GRIP2: variants seen among roughly 807,000 people sequenced by gnomAD.
GRIP2 encodes the protein glutamate receptor interacting protein 2, also known as glutamate receptor-interacting protein 2.
A neutral mutation model predicts 108.3 loss-of-function variants in GRIP2; 58 were observed. The ratio of observed to expected loss-of-function variants is 0.54; its 90% confidence interval spans 0.43 to 0.67. The LOEUF (loss-of-function observed/expected upper bound fraction) is 0.67. GRIP2 is among the 30% of genes least tolerant of loss of function. The pLI is 0.00. For missense variants in GRIP2, 1,278 were observed against 1,430.6 expected (o/e 0.89, Z 1.72); for synonymous variants, 586 against 598.2 (o/e 0.98, Z 0.30).
At chr3:14,531,120 T>C (rs908730206) in intron 1 of GRIP2, 3 of 152,240 alleles carry the variant, frequency 2.0e-5, no homozygotes, top group African/African-American at 7.2e-5. Context: ...ACTCATTAAT[T>C]CTAAGTTTAG....
chr3:14,523,375 G>A (rs1257251012), intron 5 of GRIP2: 11 of 578,196 alleles, frequency 1.9e-5, no homozygotes, highest in African/African-American at 3.7e-5. Flanking sequence ...TCTCAGTCTC[G>A]GTAGCAGCTT....
the GRIP2 span, among the ~76,000 whole-genome samples, chr3:14,580,169 G>GTTTACA: frequency 2.0e-5 from 3 of 152,204 alleles, no homozygotes; most frequent in Non-Finnish European, 2.9e-5. Flanking sequence ...CAGAGCAGGT[G>GTTTACA]CTAAGCCAAC....
chr3:14,584,907 G>A, the GRIP2 span, among the ~76,000 whole-genome samples: 4 of 152,164 alleles, frequency 2.6e-5, no homozygotes, highest in African/African-American at 9.7e-5. Flanking sequence ...TGCAGAATCT[G>A]ATGCAATTGC....
the GRIP2 span, among the ~76,000 whole-genome samples, chr3:14,579,902 A>G: frequency 1.3e-5 from 2 of 152,308 alleles, no homozygotes; most frequent in Admixed American, 6.5e-5. Context: ...CTTCCATGCC[A>G]TTCCTGGACT....
intron 11 of GRIP2, 101 bp from the exon 12 acceptor site, chr3:14,514,579 CA>C (rs1694196879): frequency 1.6e-5 from 20 of 1,248,334 alleles, no homozygotes; most frequent in Non-Finnish European, 2.1e-5. Context: ...AGCCAGAGTG[CA>C]AGGAAGTGGG....
the GRIP2 span, among the ~76,000 whole-genome samples, chr3:14,579,137 A>T: frequency 6.6e-6 from 1 of 152,156 alleles, no homozygotes. Flanking sequence ...AGGCACTGAC[A>T]CGTGCAACTA....
the GRIP2 span, among the ~76,000 whole-genome samples, chr3:14,587,906 C>T: frequency 1.3e-5 from 2 of 152,044 alleles, no homozygotes; most frequent in African/African-American, 4.8e-5. Context: ...TCTTGCACTC[C>T]GTCTATAAAA....
chr3:14,497,677 C>T (rs1185771243), intron 21 of GRIP2, among the ~76,000 whole-genome samples: 1 of 151,870 alleles, frequency 6.6e-6, no homozygotes, highest in Admixed American at 6.6e-5. Context: ...GATCTAGAAG[C>T]ATCTTCCGAC....
the GRIP2 span, among the ~76,000 whole-genome samples, chr3:14,588,820 C>T: frequency 6.6e-6 from 1 of 152,208 alleles, no homozygotes; most frequent in African/African-American, 2.4e-5. Context: ...GGGCCCCCCA[C>T]ACCTCCCACA....
chr3:14,515,120 A>T (rs1312620616), intron 11 of GRIP2, among the ~76,000 whole-genome samples: 1 of 152,196 alleles, frequency 6.6e-6, no homozygotes, highest in East Asian at 1.9e-4. Context: ...GGCTGCTTTC[A>T]CTTGGCATAA....
chr3:14,519,437 C>G (rs1694346801), intron 9 of GRIP2, among the ~76,000 whole-genome samples: 1 of 152,218 alleles, frequency 6.6e-6, no homozygotes, highest in Non-Finnish European at 1.5e-5. Context: ...GTCCTCCCTC[C>G]TTTTTACAGA....
At chr3:14,576,116 TC>T in the GRIP2 span, among the ~76,000 whole-genome samples, 1 of 152,140 alleles carries the variant, frequency 6.6e-6, no homozygotes, top group African/African-American at 2.4e-5. Flanking sequence ...AGGCAGCAGC[TC>T]CAGGAGTCTG....
intron 16 of GRIP2, among the ~76,000 whole-genome samples, chr3:14,510,868 C>A (rs1286291906): frequency 6.6e-6 from 1 of 152,218 alleles, no homozygotes; most frequent in Non-Finnish European, 1.5e-5. Context: ...ATCTCTCCAC[C>A]AGCTGCACCA....
At chr3:14,550,570 C>T (rs986095051) in intron 1 of GRIP2, among the ~76,000 whole-genome samples, 10 of 152,368 alleles carry the variant, frequency 6.6e-5, no homozygotes, top group African/African-American at 2.4e-4. Context: ...TCTACCTCCA[C>T]CTCTGACTGG....
chr3:14,499,069 G>C (rs530495206), intron 21 of GRIP2, among the ~76,000 whole-genome samples: 1 of 152,200 alleles, frequency 6.6e-6, no homozygotes. Flanking sequence ...GGAACCACCA[G>C]GACTTGAACA....
chr3:14,572,000 A>G, the GRIP2 span, among the ~76,000 whole-genome samples: 1 of 152,326 alleles, frequency 6.6e-6, no homozygotes, highest in African/African-American at 2.4e-5. Context: ...GTTTGATAGT[A>G]TCCATTAAAA....
At chr3:14,601,668 T>C in the GRIP2 span, among the ~76,000 whole-genome samples, 1 of 151,946 alleles carries the variant, frequency 6.6e-6, no homozygotes, top group Non-Finnish European at 1.5e-5. Flanking sequence ...CAACCCAGGA[T>C]CTCAGTGGGG....
chr3:14,579,778 C>G, the GRIP2 span, among the ~76,000 whole-genome samples: 1 of 152,228 alleles, frequency 6.6e-6, no homozygotes, highest in African/African-American at 2.4e-5. Context: ...GCCATCAACC[C>G]TTATCAAATG....
At chr3:14,538,544 T>C (rs1347250937) in intron 1 of GRIP2, among the ~76,000 whole-genome samples, 1 of 152,186 alleles carries the variant, frequency 6.6e-6, no homozygotes, top group South Asian at 2.1e-4. Context: ...TAATTGAGCA[T>C]CTGGATCCCA....
Sources: allele counts gnomAD v4.1 joint callset (sites outside exome capture counted in the v4.1 genomes callset), GRCh38; gene constraint gnomAD v4.1.1; transcripts MANE v1.5; gene names NCBI Gene and HGNC (gene_info 2026-07-23, HGNC 2026-07-21).